GINS1: variants seen among roughly 807,000 people sequenced by gnomAD.
GINS1 encodes DNA replication complex GINS protein PSF1.
Under a neutral mutation model 34.9 loss-of-function variants are expected in GINS1, and 26 were observed. The observed-to-expected ratio is 0.74, with a 90% CI of 0.55 to 1.03. GINS1 has a LOEUF of 1.03. Among genes scored for constraint, GINS1 ranks in the 50% least tolerant of loss-of-function variants. GINS1 has a pLI of 0.00. For synonymous variants in GINS1, 97 were observed against 84.4 expected (o/e 1.15, Z -0.82); for missense variants, 235 against 237.9 (o/e 0.99, Z 0.08).
chr20:25,432,230 G>A (rs2090431060), intron 5 of GINS1, among the ~76,000 whole-genome samples: 1 of 151,920 alleles, frequency 6.6e-6, no homozygotes, highest in Admixed American at 6.6e-5. Context: ...AAATTTCTCA[G>A]TACTGCTTTT....
In GINS1 at chr20:25,426,714, T is replaced by G. The variant is rs988355746; in HGVS notation, c.447+1387T>G. Among the ~76,000 whole-genome samples the G allele has an allele frequency of 1.3e-4, 20 of 151,676 alleles. No homozygotes were observed. In the South Asian group the frequency reaches 3.6e-3, roughly 27 times the overall value. ...CTAATTTTGTATCTTTAGTAGAGAC[T>G]GGGTTTCTCCATGTTGGTCAGGCTG... On this transcript the variant is annotated intron_variant, in intron 5 of 6. Transcript: ENST00000262460.
intron 3 of GINS1, 182 bp downstream of exon 3, chr20:25,417,384 GGGAGAATAATACTATAATGAACCCCAGT>G: frequency 1.7e-6 from 1 of 572,672 alleles, no homozygotes. Context: ...TTTAAAAGTA[GGGAGAATAATACTATAATGAACCCCAGT>G]GGAGCTATCA....
At chr20:25,417,083 C>A (rs1206445651) in intron 2 of GINS1, 21 bp from the exon 3 acceptor site, 4 of 1,126,376 alleles carry the variant, frequency 3.6e-6, no homozygotes, top group East Asian at 4.7e-5. Context: ...TATTTTTTTT[C>A]TTTTTAAATG....
At chr20:25,420,164 C>T (rs1037749903) in intron 4 of GINS1, among the ~76,000 whole-genome samples, 9 of 151,988 alleles carry the variant, frequency 5.9e-5, no homozygotes, top group African/African-American at 1.7e-4. Context: ...GATGGAGTCT[C>T]GCTCTGTTGC....
At chr20:25,413,879 A>C (rs778866111) in intron 2 of GINS1, 25 bp downstream of exon 2, 2 of 1,306,506 alleles carry the variant, frequency 1.5e-6, no homozygotes, top group Non-Finnish European at 2.2e-6. Context: ...ATGATATTCT[A>C]AAACAATTCA....
At chr20:25,433,254 G>A (rs184126317) in intron 5 of GINS1, among the ~76,000 whole-genome samples, 2 of 151,982 alleles carry the variant, frequency 1.3e-5, no homozygotes, top group African/African-American at 2.4e-5. Flanking sequence ...CAATGGACTG[G>A]GGAATAATAA....
intron 1 of GINS1, 37 bp from the exon 2 acceptor site, chr20:25,413,753 A>G (rs1386460570): frequency 1.7e-6 from 2 of 1,170,062 alleles, no homozygotes; most frequent in East Asian, 4.7e-5. Context: ...ATTGGTGGGG[A>G]AATCAGTGGA....
chr20:25,429,494 T>C (rs2090415195), intron 5 of GINS1, among the ~76,000 whole-genome samples: 1 of 152,204 alleles, frequency 6.6e-6, no homozygotes, highest in South Asian at 2.1e-4. Flanking sequence ...TTTAATTTTC[T>C]TCAGCAGTGT....
chr20:25,426,147 C>T (rs563220850), intron 5 of GINS1, among the ~76,000 whole-genome samples: 126 of 152,198 alleles, frequency 8.3e-4, no homozygotes, highest in Non-Finnish European at 7.5e-4. Context: ...CTTTTGTTCT[C>T]GTTAGAGAAT....
At chr20:25,444,571 A>G (rs1241945116) in intron 6 of GINS1, among the ~76,000 whole-genome samples, 4 of 152,208 alleles carry the variant, frequency 2.6e-5, no homozygotes, top group Admixed American at 1.3e-4. Flanking sequence ...CTTCAGGTGC[A>G]CATGGCTACT....
At chr20:25,435,428 A>G (rs368469070) in intron 5 of GINS1, among the ~76,000 whole-genome samples, 1 of 152,248 alleles carries the variant, frequency 6.6e-6, no homozygotes, top group African/African-American at 2.4e-5. Flanking sequence ...CCAAGTGGCT[A>G]GGACTAGTGG....
chr20:25,433,608 T>A (rs1314880994), intron 5 of GINS1, among the ~76,000 whole-genome samples: 2 of 152,118 alleles, frequency 1.3e-5, no homozygotes, highest in Non-Finnish European at 2.9e-5. Context: ...AAATTTTTGA[T>A]TTGCAGATAC....
chr20:25,432,253 A>G (rs1013273851), intron 5 of GINS1, among the ~76,000 whole-genome samples: 11 of 151,638 alleles, frequency 7.3e-5, no homozygotes, highest in Admixed American at 2.6e-4. Context: ...TGCATTCCAT[A>G]CATTTTGATG....
intron 5 of GINS1, among the ~76,000 whole-genome samples, chr20:25,434,882 G>C (rs551888494): frequency 6.6e-6 from 1 of 152,300 alleles, no homozygotes; most frequent in East Asian, 1.9e-4. Context: ...GAAATGCAGT[G>C]TCCTTGCATA....
chr20:25,423,166 G>A (rs1158423814), intron 4 of GINS1, among the ~76,000 whole-genome samples: 2 of 151,262 alleles, frequency 1.3e-5, no homozygotes, highest in Non-Finnish European at 2.9e-5. Context: ...ACAGGCTGGA[G>A]TGCAGTGGCA....
At chr20:25,424,811 T>C (rs1163864372) in intron 4 of GINS1, among the ~76,000 whole-genome samples, 1 of 152,244 alleles carries the variant, frequency 6.6e-6, no homozygotes, top group Non-Finnish European at 1.5e-5. Flanking sequence ...TTCCATCATA[T>C]GGGCACATAT....
intron 5 of GINS1, among the ~76,000 whole-genome samples, chr20:25,438,972 A>G (rs762577594): frequency 6.6e-6 from 1 of 152,224 alleles, no homozygotes; most frequent in Admixed American, 6.5e-5. Flanking sequence ...ATGGAATAAA[A>G]GCATCCATTG....
At chr20:25,421,668 T>A (rs1014557297) in intron 4 of GINS1, among the ~76,000 whole-genome samples, 2 of 152,242 alleles carry the variant, frequency 1.3e-5, no homozygotes, top group Admixed American at 6.5e-5. Context: ...TCTTTCCTAT[T>A]AATATTTTTC....
intron 5 of GINS1, among the ~76,000 whole-genome samples, chr20:25,427,261 G>C (rs1469341327): frequency 6.6e-6 from 1 of 152,042 alleles, no homozygotes; most frequent in Admixed American, 6.6e-5. Context: ...CCACCTCCCA[G>C]GTTCACCTCA....
Sources: allele counts gnomAD v4.1 joint callset (sites outside exome capture counted in the v4.1 genomes callset), GRCh38; gene constraint gnomAD v4.1.1; transcripts MANE v1.5; gene names NCBI Gene and HGNC (gene_info 2026-07-23, HGNC 2026-07-21).